The following MAP3K14 variants were observed in gnomAD, a reference collection of about 807,000 sequenced individuals.
MAP3K14 encodes the protein mitogen-activated protein kinase kinase kinase 14, also known as NF-kappa-beta-inducing kinase.
MAP3K14 carries 16 observed loss-of-function variants against 99.2 expected under a neutral mutation model. The ratio of observed to expected loss-of-function variants is 0.16; its 90% confidence interval spans 0.11 to 0.24. The LOEUF (loss-of-function observed/expected upper bound fraction) is 0.24. MAP3K14 is among the 10% of genes least tolerant of loss of function. MAP3K14 has a pLI of 1.00. For synonymous variants in MAP3K14, 462 were observed against 492.4 expected (o/e 0.94, Z 0.82); for missense variants, 784 against 1,208.7 (o/e 0.65, Z 5.21).
At chr17:45,303,188 C>G (rs957172359) in intron 1 of MAP3K14, among the ~76,000 whole-genome samples, 9 of 152,362 alleles carry the variant, frequency 5.9e-5, no homozygotes, top group Middle Eastern at 3.4e-3. Flanking sequence ...TAGTCCTAGT[C>G]TGGGAAACCC....
chr17:45,298,924 G>A (rs766173050), intron 1 of MAP3K14, among the ~76,000 whole-genome samples: 5 of 152,238 alleles, frequency 3.3e-5, no homozygotes, highest in Non-Finnish European at 7.3e-5. Flanking sequence ...CAGCCCAGGA[G>A]GTGATGCCTG....
intron 6 of MAP3K14, among the ~76,000 whole-genome samples, chr17:45,280,691 C>T (rs2044215430): frequency 1.3e-5 from 2 of 152,004 alleles, no homozygotes; most frequent in South Asian, 2.1e-4. Flanking sequence ...CTCACTGCAA[C>T]CTCTGCCTCC....
rs376080956 is a variant in MAP3K14 at position 45,267,781 on chromosome 17, G to C, written c.1973-22C>G. 1.5e-4 allele frequency: 233 copies of C among 1,588,834 alleles called. No homozygotes were observed. The highest frequency in any genetic ancestry group is 3.3e-4 in the Middle Eastern group (2 of 6,024). On this transcript the variant is annotated intron_variant, in intron 11 of 15. Transcript: ENST00000344686. The surrounding 1 kb of genome is among the most constrained non-coding windows in gnomAD (Gnocchi z 5.1). ...CCCACTAGAAAACAGAGAGTACAAT[G>C]GTGAGGGGAAGCGTGCTGTGCACAG... is the stretch of plus-strand genomic sequence containing the variant.
rs149303541 is a variant in MAP3K14, at chr17:45,267,616, T to C, written c.2116A>G (p.Thr706Ala). The change falls in exon 12 of 16, where the codon ACA (threonine) becomes GCA (alanine). Residue 706 changes from threonine (T) to alanine (A), a missense_variant. By Grantham distance (58) the Thr-to-Ala change is moderately conservative (BLOSUM62 0). Around this residue, in one of 5 missense-constraint regions of MAP3K14, gnomAD observed 128 missense variants for 143.3 expected, o/e 0.89. Coordinates refer to ENST00000344686, the MANE Select transcript of MAP3K14 (RefSeq NM_003954.5). The surrounding 1 kb of genome is among the most constrained non-coding windows in gnomAD (Gnocchi z 5.1). ...TGGAGCTTAGGGGCTCTGCCTGTTGTCTCCTCAGCTGGCCGGGGCCCTGGG... is the reference window on the plus strand; with the variant it reads ...TGGAGCTTAGGGGCTCTGCCTGTTGCCTCCTCAGCTGGCCGGGGCCCTGGG... ...RAPGPRPAEETTGRAPKLQPP... is the reference protein window; with the variant it reads ...RAPGPRPAEEATGRAPKLQPP... 7.4e-6 allele frequency: 12 copies of C among 1,613,018 alleles called. No individual in the cohort carries two copies. In the African/African-American group the frequency reaches 1.6e-4, roughly 22 times the overall value.
rs976992799 is a variant in MAP3K14 at position 45,316,700 on chromosome 17, A to G, written c.-21+260T>C. 1.7e-4 allele frequency among the ~76,000 whole-genome samples: 26 copies of G among 152,050 alleles called. No homozygotes were observed. The South Asian group carries it at 3.1e-3, about 18-fold the overall frequency. On this transcript the variant is annotated intron_variant, in intron 1 of 15. Transcript: ENST00000344686. ...GCAGGCGGCCCCTGCGCGCGCTCGG[A>G]GCCAGCGTGTGGCCAGCAGGAGTGC...
At chr17:45,313,150 TC>T (rs2143885149) in intron 1 of MAP3K14, among the ~76,000 whole-genome samples, 1 of 152,184 alleles carries the variant, frequency 6.6e-6, no homozygotes, top group African/African-American at 2.4e-5. Flanking sequence ...TGAAGGACTG[TC>T]CCCCTAAAGG....
At chr17:45,305,633 C>G (rs1015762672) in intron 1 of MAP3K14, among the ~76,000 whole-genome samples, 11 of 151,908 alleles carry the variant, frequency 7.2e-5, no homozygotes, top group African/African-American at 2.7e-4. Flanking sequence ...AACTCCTGGC[C>G]TCAAGTGATC....
chr17:45,287,393 T>G, intron 3 of MAP3K14, 29 bp from the exon 4 acceptor site: 1 of 1,597,514 alleles, frequency 6.3e-7, no homozygotes, highest in Non-Finnish European at 8.6e-7. Flanking sequence ...ATTTGCATAT[T>G]GAGCACGAGG....
chr17:45,280,599 C>T (rs188527998), intron 6 of MAP3K14, among the ~76,000 whole-genome samples: 1 of 151,552 alleles, frequency 6.6e-6, no homozygotes, highest in Admixed American at 6.6e-5. Context: ...GCCACCACAC[C>T]CGGCCTTCTT....
chr17:45,281,896 A>C (rs2044226634), intron 6 of MAP3K14: 1 of 150,814 alleles, frequency 6.6e-6, no homozygotes, highest in Non-Finnish European at 1.5e-5. Flanking sequence ...CACCTGCCTC[A>C]GCCTCCCAAA....
chr17:45,265,390 G>A lies in MAP3K14; in HGVS notation c.2579-127C>T, dbSNP rs976892782. 6.0e-6 allele frequency: 4 copies of A among 670,898 alleles called. No homozygotes were observed. In the Admixed American group the frequency reaches 9.2e-5, roughly 15 times the overall value. 41.6% of individuals were successfully genotyped at this position (670,898 alleles called of 1,614,324 possible). On this transcript the variant is annotated intron_variant, in intron 14 of 15. Coordinates refer to ENST00000344686, the MANE Select transcript of MAP3K14 (RefSeq NM_003954.5). ...TGCCCTATGTAGGGGGAGCAGGTCT[G>A]GCTGTGATGGAGCAGCAGAGATAAA...
At chr17:45,298,309 G>T (rs1316584276) in intron 1 of MAP3K14, among the ~76,000 whole-genome samples, 2 of 152,020 alleles carry the variant, frequency 1.3e-5, no homozygotes, top group Non-Finnish European at 2.9e-5. Context: ...AAGCAAAAAG[G>T]ACAATAAATA....
chr17:45,276,795 G>T (rs1255245176), intron 6 of MAP3K14, among the ~76,000 whole-genome samples: 1 of 147,360 alleles, frequency 6.8e-6, no homozygotes, highest in Non-Finnish European at 1.5e-5. Flanking sequence ...TTACAGGCGT[G>T]AGCCACTGTG....
chr17:45,276,538 G>A (rs2044181356), intron 6 of MAP3K14, among the ~76,000 whole-genome samples: 1 of 151,768 alleles, frequency 6.6e-6, no homozygotes, highest in South Asian at 2.1e-4. Context: ...TTGAGACAGA[G>A]TCTCGCTGTG....
intron 1 of MAP3K14, among the ~76,000 whole-genome samples, chr17:45,302,964 A>T (rs957232316): frequency 2.6e-5 from 4 of 152,226 alleles, no homozygotes; most frequent in Non-Finnish European, 5.9e-5. Context: ...TGACTCAAGA[A>T]ATAGGAAGGT....
intron 10 of MAP3K14, 22 bp downstream of exon 10, chr17:45,271,036 C>T (rs751005102): frequency 3.1e-6 from 5 of 1,608,082 alleles, no homozygotes; most frequent in East Asian, 2.2e-5. Flanking sequence ...CCCTGTTGGC[C>T]ATGCTGGGTG....
Position 45,274,151 on chromosome 17 carries a change from T to G in MAP3K14, c.1524A>C (p.Ser508=), listed in dbSNP as rs192836689. ...QALEGLEYLH[S]RRILHGDVKA... is the part of the protein sequence containing the mutation. ...TGACGTCCCCATGCAGAATCCTTCG[T>G]GAGTGGAGGTATTCCAGACCCTCCA... The change falls in exon 8 of 16, where the codon TCA becomes TCC. Residue 508 remains serine (S), a synonymous_variant. Transcript: ENST00000344686. 6.2e-7 allele frequency: 1 copy of G among 1,607,884 alleles called. No individual in the cohort carries two copies. The highest frequency in any genetic ancestry group is 2.2e-5 in the East Asian group (1 of 44,672).
At chr17:45,284,247 G>A (rs2044245856) in intron 6 of MAP3K14, among the ~76,000 whole-genome samples, 1 of 152,190 alleles carries the variant, frequency 6.6e-6, no homozygotes, top group Admixed American at 6.5e-5. Flanking sequence ...TCTGATTCAG[G>A]GCTCTTGCCA....
chr17:45,297,239 G>T (rs183019499), intron 1 of MAP3K14, among the ~76,000 whole-genome samples: 1 of 152,298 alleles, frequency 6.6e-6, no homozygotes, highest in Non-Finnish European at 1.5e-5. Context: ...GTTGGCAGAG[G>T]CATCTAGAAC....
Sources: gnomAD v4.1 joint callset for allele counts (sites outside exome capture counted in the v4.1 genomes callset) on GRCh38, gnomAD v4.1.1 for gene constraint, gnomAD v4.1.1 regional missense constraint, Gnocchi (gnomAD v3.1) non-coding constraint, MANE v1.5 for transcripts, NCBI Gene and HGNC (gene_info 2026-07-23, HGNC 2026-07-21) for gene names.